The following CFAP206 variants were observed in gnomAD, a reference collection of about 807,000 sequenced individuals.
The protein encoded by CFAP206 is cilia and flagella associated protein 206.
Under a neutral mutation model 65.4 loss-of-function variants are expected in CFAP206, and 53 were observed. That is an observed-to-expected ratio of 0.81 (90% CI 0.65 to 1.02). The LOEUF is 1.02. CFAP206 is among the 50% of genes least tolerant of loss of function. The pLI, the probability that CFAP206 is intolerant of heterozygous loss-of-function variation, is 0.00. For synonymous variants in CFAP206, 250 were observed against 254.4 expected, an observed-to-expected ratio of 0.98 and a Z score of 0.17; for missense variants, 663 against 753.2, an observed-to-expected ratio of 0.88 and a Z score of 1.40.
chr6:87,416,670 T>C lies in CFAP206; in HGVS notation c.474T>C (p.Ala158=). Residue 158 remains alanine (A), a splice_region_variant and synonymous_variant, in exon 6 of 13, where the codon GCT becomes GCC. Transcript: ENST00000369562. ...TTTTTTTTTTCTGGTTTATTTTAGC[T>C]GCTCTACAGAGTGTTTTTCCTCAGG... ...TDIKTVREVT[A]ALQSVFPQAE... 6.4e-7 allele frequency: 1 copy of C among 1,573,238 alleles called. No homozygotes were observed. The highest frequency in any genetic ancestry group is 8.6e-7 in the Non-Finnish European group (1 of 1,161,910).
chr6:87,440,380 G>T (rs1768343118), intron 11 of CFAP206, among the ~76,000 whole-genome samples: 1 of 151,884 alleles, frequency 6.6e-6, no homozygotes, highest in Non-Finnish European at 1.5e-5. Context: ...GATATTTAGA[G>T]TCTGTTAGTT....
chr6:87,415,083 C>A (rs904437852), intron 4 of CFAP206, among the ~76,000 whole-genome samples: 3 of 151,942 alleles, frequency 2.0e-5, no homozygotes, highest in Admixed American at 1.3e-4. Context: ...TAGTGTCCTG[C>A]CAAAGTGAAG....
In CFAP206 at chr6:87,415,710, G is replaced by A. The variant is rs756150098; in HGVS notation, c.308G>A (p.Arg103Gln). The A allele has an allele frequency of 5.0e-6, 8 of 1,604,056 alleles. No homozygotes were observed. The highest frequency in any genetic ancestry group is 6.0e-6 in the Non-Finnish European group (7 of 1,175,988). Residue 103 changes from arginine (R) to glutamine (Q), a missense_variant, in exon 5 of 13, where the codon CGG (arginine) becomes CAG (glutamine). Physicochemically the swap from Arg to Gln is conservative, Grantham distance 43. Transcript: ENST00000369562. ...GTGGAATTTCTCGAAGAACATCACC[G>A]GGTCCTAGAGTCTAGATTAGGCTCT... is the stretch of plus-strand genomic sequence containing the variant. ...NRVEFLEEHH[R>Q]VLESRLGSVT...
chr6:87,460,060 GAT>G (rs1768718140), intron 11 of CFAP206, among the ~76,000 whole-genome samples: 1 of 152,074 alleles, frequency 6.6e-6, no homozygotes, highest in African/African-American at 2.4e-5. Flanking sequence ...TATATCATAA[GAT>G]AATTTTATAG....
intron 11 of CFAP206, among the ~76,000 whole-genome samples, chr6:87,456,036 C>T (rs1768635868): frequency 6.6e-6 from 1 of 152,152 alleles, no homozygotes; most frequent in South Asian, 2.1e-4. Flanking sequence ...GATACCAAAA[C>T]CAGACAAAGA....
intron 5 of CFAP206, 152 bp from the exon 6 acceptor site, chr6:87,416,517 A>G (rs1767832169): frequency 3.3e-6 from 2 of 612,494 alleles, no homozygotes; most frequent in African/African-American, 3.7e-5. Context: ...GATAAGTTTT[A>G]TTATGTATCC....
Position 87,409,966 on chromosome 6 carries a change from G to A in CFAP206, c.108+19G>A. 1.3e-6 allele frequency: 2 copies of A among 1,535,344 alleles called. No homozygotes were observed. The highest frequency in any genetic ancestry group is 1.8e-6 in the Non-Finnish European group (2 of 1,113,956). ...TTTTATGGTAAGAAGAAATATTTTT[G>A]TGATTACTGTTTTATTAAGAGGTTT... On this transcript the variant is annotated intron_variant, in intron 2 of 12. Transcript: ENST00000369562.
In CFAP206 at chr6:87,411,638, T is replaced by G. The variant is rs200200377; in HGVS notation, c.192+970T>G. ...AGGTTTTTTTCTGTTATTTTTATAG[T>G]TTCAGGTCTTACATTTAAGTCTTTA... On this transcript the variant is annotated intron_variant, in intron 3 of 12. Transcript: ENST00000369562. Among the ~76,000 whole-genome samples, 10 of 152,332 alleles carry G rather than the reference T, an allele frequency of 6.6e-5. No individual in the cohort carries two copies. In the East Asian group the frequency reaches 1.9e-3, roughly 29 times the overall value.
At position 87,416,838 on chromosome 6, in the gene CFAP206, C is replaced by G. The variant is rs1562243755; in HGVS notation, c.631+11C>G. 1 of 1,608,318 alleles carries G rather than the reference C, an allele frequency of 6.2e-7. No individual in the cohort carries two copies. The highest frequency in any genetic ancestry group is 8.5e-7 in the Non-Finnish European group (1 of 1,176,192). ...AAGGCATTGATGATTGTAGGTATAT[C>G]ATTAGATTAATTCTAAAGGTTATGT... On this transcript the variant is annotated intron_variant, in intron 6 of 12. Transcript: ENST00000369562.
rs114222512 is a variant in CFAP206, at chr6:87,423,554, T to A, written c.841-2972T>A. Among the ~76,000 whole-genome samples the A allele has an allele frequency of 2.5e-3, 375 of 152,242 alleles. 1 individual carries two copies. Among genetic ancestry groups the A allele is most frequent in the African/African-American group, 8.7e-3 (361 of 41,572 alleles). ...GTGAGCCACCGCGCCCGGCCCAGCCTTAGGATATTTTTAATTGTAGGTTTT... is the reference window on the plus strand; with the variant it reads ...GTGAGCCACCGCGCCCGGCCCAGCCATAGGATATTTTTAATTGTAGGTTTT... On this transcript the variant is annotated intron_variant, in intron 7 of 12. Transcript: ENST00000369562.
chr6:87,446,029 G>A (rs887933764), intron 11 of CFAP206, among the ~76,000 whole-genome samples: 3 of 152,010 alleles, frequency 2.0e-5, no homozygotes, highest in Admixed American at 6.5e-5. Context: ...CATGTCCTTT[G>A]CCCACTTTTT....
intron 11 of CFAP206, chr6:87,435,349 G>A (rs1163608279): frequency 1.3e-5 from 3 of 235,112 alleles, no homozygotes; most frequent in Non-Finnish European, 2.5e-5. Flanking sequence ...TCTGAAATTG[G>A]AGGAGCTCAA....
intron 7 of CFAP206, among the ~76,000 whole-genome samples, chr6:87,425,087 T>C (rs1217824710): frequency 6.6e-6 from 1 of 152,208 alleles, no homozygotes; most frequent in African/African-American, 2.4e-5. Flanking sequence ...TTTAATCTGA[T>C]ATGGGAAAAT....
intron 11 of CFAP206, among the ~76,000 whole-genome samples, chr6:87,450,293 G>C (rs1041637029): frequency 2.0e-5 from 3 of 152,060 alleles, no homozygotes; most frequent in Admixed American, 1.3e-4. Context: ...TGCTTGACTA[G>C]TCTGGCTCTT....
chr6:87,440,812 T>C (rs1374879084), intron 11 of CFAP206, among the ~76,000 whole-genome samples: 4 of 152,180 alleles, frequency 2.6e-5, no homozygotes, highest in African/African-American at 9.6e-5. Flanking sequence ...GTAGGGAATT[T>C]TGGGTGGTAC....
intron 6 of CFAP206, 60 bp from the exon 7 acceptor site, chr6:87,418,148 T>G: frequency 2.0e-6 from 3 of 1,465,858 alleles, no homozygotes; most frequent in Admixed American, 1.8e-5. Flanking sequence ...TTTCTAGGCT[T>G]CTTCTCCTTA....
chr6:87,446,184 T>C (rs1023968155), intron 11 of CFAP206, among the ~76,000 whole-genome samples: 3 of 152,206 alleles, frequency 2.0e-5, no homozygotes, highest in Non-Finnish European at 1.5e-5. Context: ...TTTATTTTGC[T>C]GCGCAGAAGC....
chr6:87,439,622 T>G (rs1768331336), intron 11 of CFAP206, among the ~76,000 whole-genome samples: 1 of 152,106 alleles, frequency 6.6e-6, no homozygotes. Context: ...TCTTACGTAT[T>G]TTGAGATCAC....
intron 7 of CFAP206, among the ~76,000 whole-genome samples, chr6:87,423,544 C>T (rs951164619): frequency 1.3e-5 from 2 of 152,072 alleles, no homozygotes; most frequent in African/African-American, 4.8e-5. Flanking sequence ...CCACCGCGCC[C>T]GGCCCAGCCT....
Sources: gnomAD v4.1 joint callset for allele counts (sites outside exome capture counted in the v4.1 genomes callset) on GRCh38, gnomAD v4.1.1 for gene constraint, MANE v1.5 for transcripts, NCBI Gene and HGNC (gene_info 2026-07-23, HGNC 2026-07-21) for gene names.